PTPN9: variants seen among roughly 807,000 people sequenced by gnomAD.
PTPN9 encodes tyrosine-protein phosphatase non-receptor type 9.
Under a neutral mutation model 69.8 loss-of-function variants are expected in PTPN9, and 26 were observed. The observed-to-expected ratio is 0.37, with a 90% CI of 0.27 to 0.52. PTPN9 has a LOEUF of 0.52. Among genes scored for constraint, PTPN9 ranks in the 20% least tolerant of loss-of-function variants. PTPN9 has a pLI of 0.91. For synonymous variants in PTPN9, 274 were observed against 272.5 expected, an observed-to-expected ratio of 1.01 and a Z score of -0.05; for missense variants, 549 against 740.3, an observed-to-expected ratio of 0.74 and a Z score of 3.00.
intron 6 of PTPN9, among the ~76,000 whole-genome samples, chr15:75,508,300 T>C (rs916689698): frequency 6.6e-6 from 1 of 152,146 alleles, no homozygotes; most frequent in Non-Finnish European, 1.5e-5. Flanking sequence ...TCAAGCGATC[T>C]TCCCGCCTTG....
intron 1 of PTPN9, among the ~76,000 whole-genome samples, chr15:75,530,414 T>C (rs1046774167): frequency 1.2e-3 from 137 of 110,100 alleles, no homozygotes; most frequent in African/African-American, 4.7e-3. Context: ...TATTATATTA[T>C]TATATATTAT....
chr15:75,495,063 A>C (rs2074732265), intron 7 of PTPN9, among the ~76,000 whole-genome samples: 2 of 152,172 alleles, frequency 1.3e-5, no homozygotes. Context: ...AGAAAGAATA[A>C]GATCAGACAA....
In PTPN9 at chr15:75,521,377, G is replaced by A. The variant is rs554727833; in HGVS notation, c.422+1744C>T. Among the ~76,000 whole-genome samples the A allele has an allele frequency of 2.3e-3, 347 of 151,734 alleles. 1 individual carries two copies. Among genetic ancestry groups the A allele is most frequent in the African/African-American group, 7.9e-3 (326 of 41,408 alleles). On this transcript the variant is annotated intron_variant, in intron 4 of 12. Transcript: ENST00000618819. ...TGAGGCAGGAGAATGGCACGAACCC[G>A]GGAGTCGGAGCTTGCAGCGAGCTGA...
At chr15:75,532,464 C>T (rs2074967929) in intron 1 of PTPN9, among the ~76,000 whole-genome samples, 2 of 152,162 alleles carry the variant, frequency 1.3e-5, no homozygotes, top group South Asian at 4.1e-4. Flanking sequence ...AAGAGAAAGG[C>T]ATGCAGGTTT....
chr15:75,567,003 T>C (rs951147257), intron 1 of PTPN9, among the ~76,000 whole-genome samples: 5 of 151,046 alleles, frequency 3.3e-5, no homozygotes, highest in South Asian at 4.2e-4. Context: ...ATCATCTAAA[T>C]AGCCCATTTT....
chr15:75,554,005 C>CTTTTTTTTTTTTTTTT (rs72050060), intron 1 of PTPN9, among the ~76,000 whole-genome samples: 1 of 125,376 alleles, frequency 8.0e-6, no homozygotes, highest in Non-Finnish European at 1.6e-5. Flanking sequence ...TACTTTCTTT[C>CTTTTTTTTTTTTTTTT]TTTTTTTTTT....
At chr15:75,469,170 GA>G (rs1386799720) in intron 12 of PTPN9, among the ~76,000 whole-genome samples, 187 bp from the exon 13 acceptor site, 1 of 152,244 alleles carries the variant, frequency 6.6e-6, no homozygotes, top group Non-Finnish European at 1.5e-5. Context: ...CCAGAGAAAT[GA>G]GAAGGCCTCT....
chr15:75,480,693 GC>G, intron 8 of PTPN9: 1 of 1,296,692 alleles, frequency 7.7e-7, no homozygotes, highest in African/African-American at 1.6e-5. Context: ...ACCGACCGCA[GC>G]CACCGCCGCC....
chr15:75,493,968 C>G (rs1056872718), intron 7 of PTPN9, among the ~76,000 whole-genome samples: 1 of 151,914 alleles, frequency 6.6e-6, no homozygotes, highest in Admixed American at 6.6e-5. Context: ...GCCCTGGCTA[C>G]TTGTTTTTGT....
chr15:75,554,274 A>C (rs2075067737), intron 1 of PTPN9, among the ~76,000 whole-genome samples: 1 of 151,364 alleles, frequency 6.6e-6, no homozygotes, highest in African/African-American at 2.4e-5. Context: ...GGCTCACCAC[A>C]ACTTCTGCCT....
At chr15:75,496,001 T>C (rs1323846607) in intron 7 of PTPN9, among the ~76,000 whole-genome samples, 1 of 148,716 alleles carries the variant, frequency 6.7e-6, no homozygotes, top group Non-Finnish European at 1.5e-5. Context: ...TAGCCAGACG[T>C]GGTGAAGCAT....
chr15:75,505,665 T>C lies in PTPN9; in HGVS notation c.968+10A>G. On this transcript the variant is annotated intron_variant, in intron 7 of 12. Coordinates refer to ENST00000618819, the MANE Select transcript of PTPN9 (RefSeq NM_002833.4). ...GTAACCAGCTGCTGGCCCAAACTTT[T>C]TCTACTTACATGGAACAGTGGAAAG... 6.2e-7 allele frequency: 1 copy of C among 1,603,628 alleles called. No individual in the cohort carries two copies. The highest frequency in any genetic ancestry group is 2.2e-5 in the East Asian group (1 of 44,748).
intron 1 of PTPN9, among the ~76,000 whole-genome samples, chr15:75,561,494 T>C (rs1367986216): frequency 6.6e-6 from 1 of 152,036 alleles, no homozygotes; most frequent in Admixed American, 6.6e-5. Context: ...TCCCAGATAT[T>C]GATAGGCAAG....
At chr15:75,490,029 G>C (rs1224292758) in intron 8 of PTPN9, among the ~76,000 whole-genome samples, 179 bp downstream of exon 8, 1 of 152,206 alleles carries the variant, frequency 6.6e-6, no homozygotes, top group African/African-American at 2.4e-5. Flanking sequence ...AATACTGTGA[G>C]ATGGGCATTT....
chr15:75,503,213 T>A (rs1189052884), intron 7 of PTPN9, among the ~76,000 whole-genome samples: 1 of 126,276 alleles, frequency 7.9e-6, no homozygotes, highest in Non-Finnish European at 1.7e-5. Context: ...CCGGCAGCCA[T>A]CCCATCTGGG....
intron 1 of PTPN9, among the ~76,000 whole-genome samples, chr15:75,542,916 G>A (rs997495315): frequency 6.8e-6 from 1 of 148,010 alleles, no homozygotes; most frequent in Non-Finnish European, 1.5e-5. Flanking sequence ...TGTTACATAT[G>A]TATACATGTG....
rs1340320719 is a variant in PTPN9 at position 75,511,968 on chromosome 15, G to A, written c.529-2941C>T. Among the ~76,000 whole-genome samples the A allele has an allele frequency of 4.6e-5, 7 of 151,406 alleles. No homozygotes were observed. The East Asian group carries it at 5.9e-4, about 13-fold the overall frequency. ...ACCAATTCTCCTGCTTCAGCCTCCC[G>A]AGTAGCTGGGATTACGGGCGTGTGC... On this transcript the variant is annotated intron_variant, in intron 5 of 12. Transcript: ENST00000618819.
intron 1 of PTPN9, among the ~76,000 whole-genome samples, chr15:75,553,078 CG>C (rs1025152457): frequency 1.5e-4 from 23 of 151,702 alleles, no homozygotes; most frequent in Non-Finnish European, 4.4e-5. Flanking sequence ...ATTTATAAAA[CG>C]GGGGTAATAC....
chr15:75,513,629 TG>T (rs1379364761), intron 5 of PTPN9, among the ~76,000 whole-genome samples: 1 of 151,816 alleles, frequency 6.6e-6, no homozygotes, highest in Non-Finnish European at 1.5e-5. Flanking sequence ...TAGCCGAGTG[TG>T]GTGATGAGCA....
Sources: allele counts gnomAD v4.1 joint callset (sites outside exome capture counted in the v4.1 genomes callset), GRCh38; gene constraint gnomAD v4.1.1; transcripts MANE v1.5; gene names NCBI Gene and HGNC (gene_info 2026-07-23, HGNC 2026-07-21).